Variants in GRIK4 observed in about 807,000 individuals in gnomAD.
GRIK4 encodes glutamate ionotropic receptor kainate type subunit 4.
In GRIK4, 40 loss-of-function variants were observed where a neutral mutation model predicts 104.9. That is an observed-to-expected ratio of 0.38 (90% confidence interval 0.30 to 0.50). The LOEUF is 0.50. Ranked by LOEUF, GRIK4 falls within the 20% of genes least tolerant of loss-of-function variation. The pLI is 0.93. For synonymous variants in GRIK4, 485 were observed against 524.9 expected (o/e 0.92, Z 1.04); for missense variants, 1,047 against 1,308.1 (o/e 0.80, Z 3.08).
intron 3 of GRIK4, among the ~76,000 whole-genome samples, chr11:120,774,299 G>T (rs1439138492): frequency 1.3e-5 from 2 of 152,162 alleles, no homozygotes; most frequent in Non-Finnish European, 1.5e-5. Flanking sequence ...GTGTATTAGG[G>T]TTCTTTAGAG....
At chr11:120,535,488 G>A (rs1279594242) in intron 1 of GRIK4, among the ~76,000 whole-genome samples, 7 of 152,086 alleles carry the variant, frequency 4.6e-5, no homozygotes, top group Non-Finnish European at 1.0e-4. Flanking sequence ...AGTGCTGAGG[G>A]CAGGGAGGTG....
chr11:120,955,774 C>G (rs1247764215), intron 15 of GRIK4, among the ~76,000 whole-genome samples: 1 of 152,084 alleles, frequency 6.6e-6, no homozygotes, highest in African/African-American at 2.4e-5. Flanking sequence ...CCAATGAAAC[C>G]AGAATCTTTG....
chr11:120,876,197 CA>C, intron 11 of GRIK4, among the ~76,000 whole-genome samples: 2 of 147,794 alleles, frequency 1.4e-5, no homozygotes, highest in South Asian at 2.2e-4. Context: ...ATCACCACTA[CA>C]ACCACCACCA....
In GRIK4 at chr11:120,952,819, A is replaced by G. The variant is rs10750178; in HGVS notation, c.1591-36A>G. On this transcript the variant is annotated intron_variant, in intron 14 of 20. Coordinates refer to ENST00000527524, the MANE Select transcript of GRIK4 (RefSeq NM_014619.5). The surrounding 1 kb of genome is among the most constrained non-coding windows in gnomAD (Gnocchi z 5.2). ...TGCCCCAAGGTCATGTTGACTGAAT[A>G]TGTGCGGTGAATCTTGTTTTTCTCT... The G allele has an allele frequency of 0.95, 1,332,067 of 1,409,114 alleles. 631,053 individuals are homozygous for G. Among genetic ancestry groups the G allele is most frequent in the East Asian group, 1 (43,928 of 43,950 alleles). The allele number at this position is 1,409,114 out of a possible 1,614,324, so 87.3% of individuals were successfully genotyped here.
intron 1 of GRIK4, among the ~76,000 whole-genome samples, chr11:120,529,365 C>A (rs1947899669): frequency 6.6e-6 from 1 of 152,204 alleles, no homozygotes; most frequent in Non-Finnish European, 1.5e-5. Flanking sequence ...GGAGCAAGCC[C>A]AGCCGCTGTG....
At chr11:120,705,248 T>G (rs992452796) in intron 3 of GRIK4, among the ~76,000 whole-genome samples, 1 of 151,540 alleles carries the variant, frequency 6.6e-6, no homozygotes, top group Non-Finnish European at 1.5e-5. Flanking sequence ...TTTTTTTTTT[T>G]GAGATGGAGT....
chr11:120,663,787 G>T lies in GRIK4; in HGVS notation c.82+3387G>T, dbSNP rs572144641. Reference sequence around the variant, plus strand: ...CTTCTCTGCCTGCAAAACAAATCCAGCTCCTCCTTCTACTCCTCTTCTTTT... The same window carrying T: ...CTTCTCTGCCTGCAAAACAAATCCATCTCCTCCTTCTACTCCTCTTCTTTT... On this transcript the variant is annotated intron_variant, in intron 3 of 20. Transcript: ENST00000527524. Among the ~76,000 whole-genome samples, 13 of 152,166 alleles carry T rather than the reference G, an allele frequency of 8.5e-5. No individual in the cohort carries two copies. In the East Asian group the frequency reaches 2.5e-3, roughly 29 times the overall value.
intron 13 of GRIK4, among the ~76,000 whole-genome samples, chr11:120,913,217 G>A (rs1943036393): frequency 6.6e-6 from 1 of 152,128 alleles, no homozygotes; most frequent in African/African-American, 2.4e-5. Flanking sequence ...GCAGCACACG[G>A]TCTTTCCCTG....
chr11:120,623,771 G>A (rs1260824367), intron 1 of GRIK4, among the ~76,000 whole-genome samples: 1 of 152,118 alleles, frequency 6.6e-6, no homozygotes, highest in East Asian at 1.9e-4. Flanking sequence ...ACCCTCAAAG[G>A]CAGGGTCACG....
At chr11:120,556,026 G>A (rs1176287818) in intron 1 of GRIK4, among the ~76,000 whole-genome samples, 1 of 152,166 alleles carries the variant, frequency 6.6e-6, no homozygotes, top group Non-Finnish European at 1.5e-5. Flanking sequence ...TCAGGAGGTG[G>A]CAAGGTTGCC....
intron 8 of GRIK4, among the ~76,000 whole-genome samples, chr11:120,859,929 T>C (rs4414232): frequency 0.51 from 77,340 of 152,144 alleles, 20,797 homozygotes; most frequent in African/African-American, 0.68. Context: ...CTAATGAAGC[T>C]GGGCTCTGGG....
At chr11:120,976,734 C>G (rs1253003376) in intron 19 of GRIK4, among the ~76,000 whole-genome samples, 2 of 152,232 alleles carry the variant, frequency 1.3e-5, no homozygotes, top group African/African-American at 4.8e-5. Context: ...GCTGGGATCT[C>G]GTGGCACTAG....
In GRIK4 at chr11:120,867,292, A is replaced by G. The variant is rs1159342700; in HGVS notation, c.906+5172A>G. Among the ~76,000 whole-genome samples the G allele has an allele frequency of 2.6e-5, 4 of 152,294 alleles. No individual in the cohort carries two copies. The East Asian group carries it at 7.7e-4, about 29-fold the overall frequency. The stretch of plus-strand genomic sequence containing the variant: ...TCTCTTTGGGGGCTGAGAAATTCAC[A>G]GCACAAACAGCCCAGCTCTTTTATG... On this transcript the variant is annotated intron_variant, in intron 9 of 20. Coordinates refer to ENST00000527524, the MANE Select transcript of GRIK4 (RefSeq NM_014619.5).
intron 19 of GRIK4, among the ~76,000 whole-genome samples, chr11:120,969,728 C>T (rs1403348556): frequency 6.6e-6 from 1 of 152,168 alleles, no homozygotes; most frequent in Non-Finnish European, 1.5e-5. Context: ...AGGGAAACAG[C>T]AGTGGTATTG....
At chr11:120,603,082 A>T (rs1219169100) in intron 1 of GRIK4, among the ~76,000 whole-genome samples, 3 of 152,208 alleles carry the variant, frequency 2.0e-5, no homozygotes, top group African/African-American at 7.2e-5. Context: ...TGGCAGAGGG[A>T]TGATCTTCTG....
chr11:120,519,865 G>GTTTTTTTTTTTTTTTTTTTTTTTTTTTTT (rs1311313035), intron 1 of GRIK4, among the ~76,000 whole-genome samples: 16 of 102,544 alleles, frequency 1.6e-4, no homozygotes, highest in African/African-American at 4.2e-4. Flanking sequence ...CTCACTACTG[G>GTTTTTTTTTTTTTTTTTTTTTTTTTTTTT]TTTTTTTTTT....
Position 120,628,650 on chromosome 11 carries a change from G to C in GRIK4, c.-158-25035G>C, listed in dbSNP as rs528263857. Among the ~76,000 whole-genome samples, 12 of 152,280 alleles carry C rather than the reference G, an allele frequency of 7.9e-5. No individual in the cohort carries two copies. In the South Asian group the frequency reaches 2.5e-3, roughly 32 times the overall value. On this transcript the variant is annotated intron_variant, in intron 1 of 20. Transcript: ENST00000527524. Reference sequence around the variant, plus strand: ...GGGTCCTGGCCTGTTTCACTGATGGGTGGAGGAGGAGAAGGGACATTAGCT... The same window carrying C: ...GGGTCCTGGCCTGTTTCACTGATGGCTGGAGGAGGAGAAGGGACATTAGCT...
intron 1 of GRIK4, among the ~76,000 whole-genome samples, chr11:120,623,640 G>A (rs1258170400): frequency 1.3e-5 from 2 of 152,166 alleles, no homozygotes; most frequent in African/African-American, 2.4e-5. Flanking sequence ...CTACTAAATT[G>A]ATTTCACGGA....
At chr11:120,963,013 G>C (rs642228) in intron 18 of GRIK4, 188,007 of 188,020 alleles carry the variant, frequency 1, 93,997 homozygotes, top group Middle Eastern at 1. Flanking sequence ...TTCCTTTTCT[G>C]GCTTGCTTCT....
Sources: allele counts gnomAD v4.1 joint callset (sites outside exome capture counted in the v4.1 genomes callset), GRCh38; gene constraint gnomAD v4.1.1; non-coding constraint Gnocchi (gnomAD v3.1); transcripts MANE v1.5; gene names NCBI Gene and HGNC (gene_info 2026-07-23, HGNC 2026-07-21).